CLVS1: variants seen among roughly 807,000 people sequenced by gnomAD.
CLVS1 encodes clavesin-1.
CLVS1 carries 10 observed loss-of-function variants against 33.1 expected under a neutral mutation model. That is an observed-to-expected ratio of 0.30 (90% confidence interval 0.19 to 0.51). CLVS1 has a LOEUF of 0.51. Ranked by LOEUF, CLVS1 falls within the 20% of genes least tolerant of loss-of-function variation. CLVS1 has a pLI of 0.97. For missense variants in CLVS1, 343 were observed against 433.4 expected, an observed-to-expected ratio of 0.79 and a Z score of 1.85; for synonymous variants, 163 against 166.1, an observed-to-expected ratio of 0.98 and a Z score of 0.14.
intron 3 of CLVS1, among the ~76,000 whole-genome samples, chr8:61,403,454 C>T (rs571874097): frequency 6.6e-6 from 1 of 152,110 alleles, no homozygotes; most frequent in Non-Finnish European, 1.5e-5. Context: ...GCAGGGAAAC[C>T]AGTTAGGAAA....
intron 3 of CLVS1, among the ~76,000 whole-genome samples, chr8:61,390,534 GA>G (rs1814260590): frequency 6.6e-6 from 1 of 152,182 alleles, no homozygotes. Flanking sequence ...TCTGTTTCCT[GA>G]ACCCAAACCA....
intron 2 of CLVS1, among the ~76,000 whole-genome samples, chr8:61,158,589 G>A (rs1806693344): frequency 6.6e-6 from 1 of 152,088 alleles, no homozygotes; most frequent in African/African-American, 2.4e-5. Flanking sequence ...GGCTCAGGTG[G>A]CCTGGGTTAC....
rs541014273 is a variant in CLVS1 at position 61,179,488 on chromosome 8, C to T, written c.-152+47628C>T. Among the ~76,000 whole-genome samples, 17 of 152,182 alleles carry T rather than the reference C, an allele frequency of 1.1e-4. No individual in the cohort carries two copies. The East Asian group carries it at 1.5e-3, about 14-fold the overall frequency. On this transcript the variant is annotated intron_variant, in intron 2 of 2. Coordinates refer to the CLVS1 transcript ENST00000522621. ...ACTTGAACTCAGCTCTGGATAAAGT[C>T]GACTTAATAGATATCTACAGAACTC...
chr8:61,305,683 T>A (rs1362398086), intron 2 of CLVS1, among the ~76,000 whole-genome samples: 1 of 152,126 alleles, frequency 6.6e-6, no homozygotes, highest in Admixed American at 6.6e-5. Flanking sequence ...ATTCATTAGT[T>A]AGTTTTCTTG....
chr8:61,361,745 A>T (rs1479668609), intron 2 of CLVS1, among the ~76,000 whole-genome samples: 1 of 152,152 alleles, frequency 6.6e-6, no homozygotes, highest in Admixed American at 6.5e-5. Flanking sequence ...AGCTATCCAG[A>T]TCACTCATGT....
upstream of CLVS1, among the ~76,000 whole-genome samples, chr8:61,053,021 T>A (rs145207040): frequency 6.7e-3 from 1,020 of 152,244 alleles, 14 homozygotes; most frequent in African/African-American, 0.023. Flanking sequence ...ATGGCCTGGA[T>A]GTGGCATGTC....
intron 2 of CLVS1, among the ~76,000 whole-genome samples, chr8:61,206,917 A>C (rs1381021796): frequency 1.3e-5 from 2 of 151,914 alleles, no homozygotes; most frequent in Non-Finnish European, 2.9e-5. Context: ...TTATTGAATA[A>C]TTTTCTTCCT....
the CLVS1 span, among the ~76,000 whole-genome samples, chr8:61,038,984 T>G: frequency 5.9e-5 from 9 of 152,206 alleles, no homozygotes; most frequent in African/African-American, 9.6e-5. Flanking sequence ...TCCCTTAGGA[T>G]ATGAAAATAT....
chr8:61,420,112 G>A (rs1476632980), intron 3 of CLVS1, among the ~76,000 whole-genome samples: 1 of 152,114 alleles, frequency 6.6e-6, no homozygotes, highest in African/African-American at 2.4e-5. Context: ...GAGTCAGACT[G>A]CCTGCATTCA....
chr8:61,289,925 A>G (rs1185865486), intron 1 of CLVS1, among the ~76,000 whole-genome samples: 1 of 152,216 alleles, frequency 6.6e-6, no homozygotes, highest in Non-Finnish European at 1.5e-5. Context: ...CAAGAAAACT[A>G]GTAAAATATG....
intron 1 of CLVS1, among the ~76,000 whole-genome samples, chr8:61,119,879 T>G (rs1305974523): frequency 7.5e-6 from 1 of 133,506 alleles, no homozygotes; most frequent in Non-Finnish European, 1.6e-5. Flanking sequence ...AGGAGTATCT[T>G]TGTGGCGTTC....
chr8:61,230,186 T>C (rs1346214203), intron 2 of CLVS1, among the ~76,000 whole-genome samples: 6 of 152,184 alleles, frequency 3.9e-5, no homozygotes, highest in Non-Finnish European at 8.8e-5. Context: ...TTCAAGGCTG[T>C]TTTGCTGAAC....
the CLVS1 span, among the ~76,000 whole-genome samples, chr8:60,996,007 T>C: frequency 1.3e-5 from 2 of 152,110 alleles, no homozygotes; most frequent in East Asian, 3.9e-4. Context: ...CTCTGGGAAC[T>C]GTTGTGGAGT....
chr8:61,294,433 A>T (rs1182803540), intron 1 of CLVS1, among the ~76,000 whole-genome samples: 4 of 152,162 alleles, frequency 2.6e-5, no homozygotes, highest in Non-Finnish European at 5.9e-5. Flanking sequence ...CAAGCTCATT[A>T]TCTGACTTAG....
At position 61,383,416 on chromosome 8, in the gene CLVS1, G is replaced by A. The variant is rs114614169; in HGVS notation, c.630+6637G>A. On this transcript the variant is annotated intron_variant, in intron 3 of 5. Transcript: ENST00000325897. ...TTTTATTAATTTTTACAGTTTTCAT[G>A]TATTAAAGAATGTTAGATAGAACAG... Among the ~76,000 whole-genome samples, 699 of 152,272 alleles carry A rather than the reference G, an allele frequency of 4.6e-3. 6 individuals carry two copies. Among genetic ancestry groups the A allele is most frequent in the African/African-American group, 0.016 (665 of 41,540 alleles).
At chr8:61,214,142 C>CA (rs1808035824) in intron 2 of CLVS1, among the ~76,000 whole-genome samples, 2 of 152,166 alleles carry the variant, frequency 1.3e-5, no homozygotes, top group Non-Finnish European at 2.9e-5. Flanking sequence ...AAGATGTTAT[C>CA]AATGACAATG....
chr8:61,192,138 T>A (rs948090099), intron 2 of CLVS1, among the ~76,000 whole-genome samples: 3 of 152,166 alleles, frequency 2.0e-5, no homozygotes, highest in Non-Finnish European at 4.4e-5. Flanking sequence ...ACTACAAGGC[T>A]ACAGTAACCA....
the CLVS1 span, among the ~76,000 whole-genome samples, chr8:61,016,686 G>A: frequency 3.3e-5 from 5 of 152,238 alleles, no homozygotes; most frequent in Non-Finnish European, 7.3e-5. Flanking sequence ...TGGAAGCTGC[G>A]TAAATGTGTG....
At chr8:60,987,123 T>C in the CLVS1 span, among the ~76,000 whole-genome samples, 3 of 152,188 alleles carry the variant, frequency 2.0e-5, no homozygotes, top group Non-Finnish European at 4.4e-5. Context: ...ACAAAGCAGA[T>C]GATTACAATG....
Sources: allele counts gnomAD v4.1 joint callset (sites outside exome capture counted in the v4.1 genomes callset), GRCh38; gene constraint gnomAD v4.1.1; transcripts MANE v1.5; gene names NCBI Gene and HGNC (gene_info 2026-07-23, HGNC 2026-07-21).